RPL7: variants seen among roughly 807,000 people sequenced by gnomAD.
The protein encoded by RPL7 is ribosomal protein L7.
For missense variants in RPL7, 205 were observed against 301.9 expected (o/e 0.68, Z 2.38); for synonymous variants, 100 against 102.2 (o/e 0.98, Z 0.13).
rs781332827 is a variant in RPL7 at position 73,292,673 on chromosome 8, CAA to C, written c.123+14_123+15del. ...GGCGCCTCCTTATGTGCTAGTGCCT[CAA>C]AAAGTTTACTTACCATCTTTTGGGC... On this transcript the variant is annotated intron_variant, in intron 2 of 6. Coordinates refer to ENST00000352983, the MANE Select transcript of RPL7 (RefSeq NM_000971.4). 6.3e-7 allele frequency: 1 copy of C among 1,597,380 alleles called. No homozygotes were observed. Among genetic ancestry groups the C allele is most frequent in the Non-Finnish European group, 8.5e-7 (1 of 1,169,698 alleles).
Position 73,291,116 on chromosome 8 carries a change from G to T in RPL7, c.675C>A (p.Thr225=). 1.2e-6 allele frequency: 2 copies of T among 1,608,246 alleles called. No homozygotes were observed. Among genetic ancestry groups the T allele is most frequent in the Non-Finnish European group, 1.7e-6 (2 of 1,175,834 alleles). Residue 225 remains threonine (T), a synonymous_variant, in exon 6 of 7, where the codon ACC becomes ACA. Transcript: ENST00000352983. ...CAGCATCTCCACCTTCTACAAAATG[G>T]GTGGTCTTTTTCTTCATTCCACCTC... The part of the protein sequence containing the change: ...SPRGGMKKKT[T]HFVEGGDAGN...
intron 6 of RPL7, 38 bp from the exon 7 acceptor site, chr8:73,290,743 G>C: frequency 3.6e-6 from 1 of 281,502 alleles, no homozygotes; most frequent in Non-Finnish European, 6.7e-6. Context: ...AAACACTTTA[G>C]GCAGCTAACA....
At chr8:73,291,459 T>C (rs745472757) in intron 5 of RPL7, 93 bp downstream of exon 5, 3 of 981,346 alleles carry the variant, frequency 3.1e-6, no homozygotes, top group African/African-American at 1.6e-5. Context: ...AGGGAACACA[T>C]GAAGATTCAC....
In RPL7 at chr8:73,293,632, G is replaced by C; in HGVS notation, c.-20C>G. On this transcript the variant is annotated 5_prime_UTR_variant, in exon 1 of 7. Transcript: ENST00000352983. ...CTCCATGGTTCCAGCCGGAAAAAGA[G>C]GAAGTTGGCGCATGCGTACTGTCCA... 1.1e-5 allele frequency: 17 copies of C among 1,613,522 alleles called. No individual in the cohort carries two copies. Among genetic ancestry groups the C allele is most frequent in the East Asian group, 2.2e-5 (1 of 44,846 alleles).
Position 73,292,679 on chromosome 8 carries a change from G to C in RPL7, c.123+10C>G. 1 of 1,603,508 alleles carries C rather than the reference G, an allele frequency of 6.2e-7. No individual in the cohort carries two copies. Among genetic ancestry groups the C allele is most frequent in the Non-Finnish European group, 8.5e-7 (1 of 1,174,154 alleles). ...TCCTTATGTGCTAGTGCCTCAAAAA[G>C]TTTACTTACCATCTTTTGGGCAAAC... On this transcript the variant is annotated intron_variant, in intron 2 of 6. Coordinates refer to ENST00000352983, the MANE Select transcript of RPL7 (RefSeq NM_000971.4).
In RPL7 at chr8:73,291,239, G is replaced by A. The variant is rs192802770; in HGVS notation, c.552C>T (p.Ile184=). The part of the protein sequence containing the change: ...LIARSLGKYG[I]ICMEDLIHEI... ...CATGAATCAAATCCTCCATGCAGATGATGCCGTATTTACCTAAATATTTTA... is the reference window on the plus strand; with the variant it reads ...CATGAATCAAATCCTCCATGCAGATAATGCCGTATTTACCTAAATATTTTA... Residue 184 remains isoleucine, a synonymous_variant, in exon 6 of 7, where the codon ATC becomes ATT. Transcript: ENST00000352983. The A allele has an allele frequency of 3.1e-6, 5 of 1,607,848 alleles. No homozygotes were observed. The highest frequency in any genetic ancestry group is 2.2e-5 in the East Asian group (1 of 44,826).
Position 73,292,762 on chromosome 8 carries a change from G to A in RPL7, c.50C>T (p.Thr17Ile), listed in dbSNP as rs1586182296. Residue 17 changes from threonine (T) to isoleucine (I), a missense_variant, in exon 2 of 7, where the codon ACC becomes ATC. Coordinates refer to ENST00000352983, the MANE Select transcript of RPL7 (RefSeq NM_000971.4). ...GAAATTCCTTCGCTTTTTCTTAAGG[G>A]TTTCTGGCACAGCAGGAACCTCCTT... is the stretch of plus-strand genomic sequence containing the variant. ...KKKEVPAVPE[T>I]LKKKRRNFAE... 3 of 1,613,252 alleles carry A rather than the reference G, an allele frequency of 1.9e-6. No homozygotes were observed. In the East Asian group the frequency reaches 6.7e-5, roughly 36 times the overall value.
rs1178947288 is a variant in RPL7 at position 73,292,463 on chromosome 8, A to G, written c.124-58T>C. 11 of 1,449,054 alleles carry G rather than the reference A, an allele frequency of 7.6e-6. No homozygotes were observed. The South Asian group carries it at 1.2e-4, about 16-fold the overall frequency. 89.8% of individuals were successfully genotyped at this position (1,449,054 alleles called of 1,614,324 possible). A position where few individuals can be genotyped will look rare whatever the true frequency, so the allele number is the denominator to read the frequency against. The stretch of plus-strand genomic sequence containing the variant: ...TAGCTCAATCACAATTAGCAATGCC[A>G]ATCATTAAAAAGAAAACTACAACAT... On this transcript the variant is annotated intron_variant, in intron 2 of 6. Coordinates refer to ENST00000352983, the MANE Select transcript of RPL7 (RefSeq NM_000971.4).
At chr8:73,292,463 A>T in intron 2 of RPL7, 58 bp from the exon 3 acceptor site, 1 of 1,449,172 alleles carries the variant, frequency 6.9e-7, no homozygotes, top group South Asian at 1.2e-5. Context: ...TAGCAATGCC[A>T]ATCATTAAAA....
In RPL7 at chr8:73,292,761, G is replaced by C. The variant is rs200232671; in HGVS notation, c.51C>G (p.Thr17=). The change falls in exon 2 of 7, where the codon ACC becomes ACG. Residue 17 remains threonine, a synonymous_variant. Coordinates refer to ENST00000352983, the MANE Select transcript of RPL7 (RefSeq NM_000971.4). The stretch of plus-strand genomic sequence containing the variant: ...CGAAATTCCTTCGCTTTTTCTTAAG[G>C]GTTTCTGGCACAGCAGGAACCTCCT... ...KKKEVPAVPE[T]LKKKRRNFAE... The C allele has an allele frequency of 1.2e-6, 2 of 1,612,958 alleles. No homozygotes were observed. The highest frequency in any genetic ancestry group is 1.7e-6 in the Non-Finnish European group (2 of 1,179,728).
At position 73,292,338 on chromosome 8, in the gene RPL7, A is replaced by C. The variant is rs779993029; in HGVS notation, c.191T>G (p.Met64Arg). 1.2e-6 allele frequency: 2 copies of C among 1,606,184 alleles called. No homozygotes were observed. Among genetic ancestry groups the C allele is most frequent in the Non-Finnish European group, 8.5e-7 (1 of 1,179,040 alleles). ...AKHYHKEYRQ[M>R]YRTEIRMARM... is the part of the protein sequence containing the mutation. ...CGCCATTCGAATTTCAGTTCTGTACATCTGCCTATATTCCTTGTGATAGTG... is the reference window on the plus strand; with the variant it reads ...CGCCATTCGAATTTCAGTTCTGTACCTCTGCCTATATTCCTTGTGATAGTG... Residue 64 changes from methionine (M) to arginine (R), a missense_variant, in exon 3 of 7, where the codon ATG becomes AGG. Transcript: ENST00000352983.
Position 73,291,759 on chromosome 8 carries a change from GAA to G in RPL7, c.428+12_428+13del, listed in dbSNP as rs111226095. 1.9e-6 allele frequency: 3 copies of G among 1,597,324 alleles called. No homozygotes were observed. Among genetic ancestry groups the G allele is most frequent in the Non-Finnish European group, 2.6e-6 (3 of 1,166,304 alleles). ...AATTTATCAAATAGAAATCAAAGGA[GAA>G]AAGAGACTTACCCCCATGCAATATA... On this transcript the variant is annotated intron_variant, in intron 4 of 6. Transcript: ENST00000352983.
intron 3 of RPL7, 94 bp from the exon 4 acceptor site, chr8:73,292,004 A>C: frequency 3.5e-6 from 5 of 1,428,188 alleles, no homozygotes; most frequent in Non-Finnish European, 4.9e-6. Context: ...TCCTACCTAA[A>C]CAGATAGGAA....
In RPL7 at chr8:73,292,698, G is replaced by C; in HGVS notation, c.114C>G (p.Ala38=). ...LKIKRLRKKF[A]QKMLRKARRK... is the part of the protein sequence containing the mutation. ...CAAAAAGTTTACTTACCATCTTTTGGGCAAACTTCTTTCTCAGGCGCTTGA... is the reference window on the plus strand; with the variant it reads ...CAAAAAGTTTACTTACCATCTTTTGCGCAAACTTCTTTCTCAGGCGCTTGA... Residue 38 remains alanine, a synonymous_variant, in exon 2 of 7, where the codon GCC becomes GCG. Transcript: ENST00000352983. 6.2e-7 allele frequency: 1 copy of C among 1,611,594 alleles called. No individual in the cohort carries two copies. Among genetic ancestry groups the C allele is most frequent in the Non-Finnish European group, 8.5e-7 (1 of 1,179,146 alleles).
chr8:73,290,808 C>T (rs1486126599), intron 6 of RPL7, 103 bp from the exon 7 acceptor site: 1 of 473,332 alleles, frequency 2.1e-6, no homozygotes, highest in Non-Finnish European at 3.8e-6. Context: ...TTTTTAAGAC[C>T]ACCCAATTTC....
intron 1 of RPL7, 129 bp downstream of exon 1, chr8:73,293,470 A>T: frequency 8.5e-7 from 1 of 1,178,112 alleles, no homozygotes; most frequent in Non-Finnish European, 1.2e-6. Context: ...CTGGTGTCAC[A>T]CAGCGTTCAC....
chr8:73,291,321 T>A, intron 5 of RPL7, 69 bp from the exon 6 acceptor site: 3 of 1,259,958 alleles, frequency 2.4e-6, no homozygotes, highest in Non-Finnish European at 3.4e-6. Flanking sequence ...TTCAAAATCT[T>A]TTTGAATAGG....
chr8:73,291,979 G>A (rs1027808588), intron 3 of RPL7, 69 bp from the exon 4 acceptor site: 1 of 1,567,684 alleles, frequency 6.4e-7, no homozygotes, highest in Non-Finnish European at 8.8e-7. Context: ...AACCATTATA[G>A]TTTTGAATAT....
rs1412930441 is a variant in RPL7 at position 73,290,298 on chromosome 8, C to A, written c.*409G>T. ...TGGCAGTTTATAAACAAGCGAAGGC[C>A]CGAGAAATAAATTTTAGCAACTAAA... On this transcript the variant is annotated 3_prime_UTR_variant, in exon 7 of 7. Coordinates refer to ENST00000352983, the MANE Select transcript of RPL7 (RefSeq NM_000971.4). 6.6e-6 allele frequency: 1 copy of A among 151,954 alleles called. No homozygotes were observed. The highest frequency in any genetic ancestry group is 1.5e-5 in the Non-Finnish European group (1 of 67,988). The allele number at this position is 151,954 out of a possible 1,614,324, so 9.4% of individuals were successfully genotyped here.
Sources: gnomAD v4.1 joint callset for allele counts on GRCh38, gnomAD v4.1.1 for gene constraint, MANE v1.5 for transcripts, NCBI Gene and HGNC (gene_info 2026-07-23, HGNC 2026-07-21) for gene names.